The following FAM81A variants were observed in gnomAD, a reference collection of about 807,000 sequenced individuals.
FAM81A encodes the protein protein FAM81A.
Under a neutral mutation model 46.7 loss-of-function variants are expected in FAM81A, and 19 were observed. That is an observed-to-expected ratio of 0.41 (90% CI 0.28 to 0.60). The LOEUF (loss-of-function observed/expected upper bound fraction) is 0.60. Among genes scored for constraint, FAM81A ranks in the 20% least tolerant of loss-of-function variants. FAM81A has a pLI of 0.34. For synonymous variants in FAM81A, 183 were observed against 152.9 expected (o/e 1.20, Z -1.45); for missense variants, 377 against 453.5 (o/e 0.83, Z 1.53).
upstream of FAM81A, among the ~76,000 whole-genome samples, chr15:59,435,457 T>C (rs2081239186): frequency 6.6e-6 from 1 of 151,448 alleles, no homozygotes; most frequent in South Asian, 2.1e-4. Context: ...CCCTCTCTAC[T>C]AAAAATAAAA....
At chr15:59,415,105 C>T (rs866593209) in intron 2 of FAM81A, among the ~76,000 whole-genome samples, 7 of 150,484 alleles carry the variant, frequency 4.7e-5, no homozygotes, top group South Asian at 2.1e-4. Context: ...CGTGAGCCAC[C>T]GTGCCCAGCC....
At chr15:59,458,302 C>T (rs1402865700) in intron 1 of FAM81A, among the ~76,000 whole-genome samples, 2 of 152,088 alleles carry the variant, frequency 1.3e-5, no homozygotes, top group African/African-American at 4.8e-5. Flanking sequence ...TTGTACAGTC[C>T]CTGTTGGTCT....
intron 8 of FAM81A, among the ~76,000 whole-genome samples, chr15:59,518,139 A>ATTT (rs576524944): frequency 5.2e-5 from 7 of 134,808 alleles, no homozygotes; most frequent in East Asian, 2.1e-4. Context: ...CGGCCGGCTA[A>ATTT]TTTTTTTTTT....
chr15:59,519,947 G>A (rs763411084), intron 8 of FAM81A, among the ~76,000 whole-genome samples: 4 of 152,226 alleles, frequency 2.6e-5, no homozygotes, highest in East Asian at 1.9e-4. Flanking sequence ...TTGCTGGGTC[G>A]TATGGTAGTT....
Position 59,405,122 on chromosome 15 carries a change from C to G in FAM81A, c.-78+2764C>G, listed in dbSNP as rs138955660. 5.2e-3 allele frequency among the ~76,000 whole-genome samples: 797 copies of G among 152,326 alleles called. 11 individuals carry two copies. The highest frequency in any genetic ancestry group is 0.018 in the African/African-American group (757 of 41,576). On this transcript the variant is annotated intron_variant, in intron 2 of 4. Coordinates refer to the FAM81A transcript ENST00000558348. Reference sequence around the variant, plus strand: ...ACTTCCTCAGAGAGGTCTTCCCTGACCACTCAGTCTAAGCCATCTCGCCTC... The same window carrying G: ...ACTTCCTCAGAGAGGTCTTCCCTGAGCACTCAGTCTAAGCCATCTCGCCTC...
upstream of FAM81A, among the ~76,000 whole-genome samples, chr15:59,437,058 T>G (rs12908434): frequency 0.99 from 151,152 of 152,354 alleles, 74,994 homozygotes; most frequent in Middle Eastern, 1. Context: ...TTTGTGGAAG[T>G]TATTAGCCCG....
At chr15:59,415,312 G>C (rs2081141821) in intron 2 of FAM81A, among the ~76,000 whole-genome samples, 1 of 150,696 alleles carries the variant, frequency 6.6e-6, no homozygotes, top group South Asian at 2.1e-4. Context: ...AGAGACGGGG[G>C]TTTCACCATG....
intron 2 of FAM81A, among the ~76,000 whole-genome samples, chr15:59,459,535 A>G (rs1186312751): frequency 6.6e-6 from 1 of 152,082 alleles, no homozygotes. Context: ...TGCTTCACTC[A>G]TTTATGTCGC....
At chr15:59,454,987 G>A (rs150613095) in intron 1 of FAM81A, among the ~76,000 whole-genome samples, 3,224 of 150,844 alleles carry the variant, frequency 0.021, 41 homozygotes, top group Non-Finnish European at 0.03. Context: ...TGTTGCCCAG[G>A]CTGGTCCCAA....
chr15:59,488,118 AT>A (rs768424350), intron 3 of FAM81A, among the ~76,000 whole-genome samples: 1 of 152,230 alleles, frequency 6.6e-6, no homozygotes, highest in Non-Finnish European at 1.5e-5. Context: ...GGTTCAACAT[AT>A]GCAAATCAAT....
At chr15:59,479,823 A>C (rs1272667118) in intron 3 of FAM81A, among the ~76,000 whole-genome samples, 5 of 152,196 alleles carry the variant, frequency 3.3e-5, no homozygotes, top group Non-Finnish European at 7.3e-5. Flanking sequence ...GCCATTATTT[A>C]GTGTTCAGCC....
At chr15:59,481,355 T>A (rs1360041401) in intron 3 of FAM81A, among the ~76,000 whole-genome samples, 1 of 152,160 alleles carries the variant, frequency 6.6e-6, no homozygotes, top group Non-Finnish European at 1.5e-5. Flanking sequence ...GAGAGTTAAA[T>A]GGGCTTTTTT....
At chr15:59,405,333 C>T (rs1233968917) in intron 2 of FAM81A, among the ~76,000 whole-genome samples, 1 of 152,012 alleles carries the variant, frequency 6.6e-6, no homozygotes, top group South Asian at 2.1e-4. Flanking sequence ...AGAATACAAC[C>T]GTATGCCTCT....
At chr15:59,479,314 C>T (rs2081815797) in intron 3 of FAM81A, among the ~76,000 whole-genome samples, 1 of 151,752 alleles carries the variant, frequency 6.6e-6, no homozygotes, top group Non-Finnish European at 1.5e-5. Flanking sequence ...AGTTCAAGAC[C>T]AGACTGACCA....
At chr15:59,487,746 G>T (rs2081935748) in intron 3 of FAM81A, among the ~76,000 whole-genome samples, 1 of 152,076 alleles carries the variant, frequency 6.6e-6, no homozygotes, top group Admixed American at 6.5e-5. Flanking sequence ...CAAGTAACGA[G>T]ATTGAAGCCA....
At chr15:59,471,277 C>T (rs1051969548) in intron 3 of FAM81A, among the ~76,000 whole-genome samples, 7 of 152,008 alleles carry the variant, frequency 4.6e-5, no homozygotes, top group African/African-American at 1.7e-4. Context: ...TCAGTTTTTG[C>T]TTCCTGTATT....
Position 59,489,298 on chromosome 15 carries a change from C to CATACATACATAT in FAM81A, c.295-2962_295-2961insTATACATACATA, listed in dbSNP as rs1323909251. On this transcript the variant is annotated intron_variant, in intron 3 of 8. Transcript: ENST00000288228. ...ACATACATACATACATACATACATACATACATACATACATATATACATACA... is the reference window on the plus strand; with the variant it reads ...ACATACATACATACATACATACATACATACATACATATATACATACATACATATATACATACA... Among the ~76,000 whole-genome samples, 1,051 of 150,486 alleles carry CATACATACATAT rather than the reference C, an allele frequency of 7.0e-3. 11 individuals carry two copies. Among genetic ancestry groups the CATACATACATAT allele is most frequent in the African/African-American group, 0.024 (981 of 40,852 alleles).
rs11386937 is a variant in FAM81A, at chr15:59,439,408, TG to T, written c.-78+1134del. On this transcript the variant is annotated intron_variant, in intron 1 of 8. Coordinates refer to ENST00000288228, the MANE Select transcript of FAM81A (RefSeq NM_152450.3). The stretch of plus-strand genomic sequence containing the variant: ...TGTGTGTATGTGTGTGTGTGTGTGT[TG>T]GGGGGGGCGGGTTCCTTGGCACTTA... Among the ~76,000 whole-genome samples, 16 of 150,536 alleles carry T rather than the reference TG, an allele frequency of 1.1e-4. No individual in the cohort carries two copies. In the East Asian group the frequency reaches 1.4e-3, roughly 13 times the overall value.
intron 2 of FAM81A, chr15:59,406,931 T>G (rs2081097684): frequency 6.6e-6 from 1 of 152,578 alleles, no homozygotes; most frequent in Admixed American, 6.5e-5. Flanking sequence ...TTTTAATTAT[T>G]TTTATGTGCA....
Sources: allele counts gnomAD v4.1 joint callset (sites outside exome capture counted in the v4.1 genomes callset), GRCh38; gene constraint gnomAD v4.1.1; transcripts MANE v1.5; gene names NCBI Gene and HGNC (gene_info 2026-07-23, HGNC 2026-07-21).